The following HTR3E variants were observed in gnomAD, a reference collection of about 807,000 sequenced individuals.
HTR3E encodes 5-hydroxytryptamine receptor 3E.
HTR3E carries 38 observed loss-of-function variants against 38.0 expected under a neutral mutation model. That is an observed-to-expected ratio of 1.00 (90% confidence interval 0.77 to 1.31). The LOEUF is 1.31. Among genes scored for constraint, HTR3E ranks in the 50% most tolerant of loss-of-function variants. HTR3E has a pLI of 0.00. For missense variants in HTR3E, 547 were observed against 585.2 expected, an observed-to-expected ratio of 0.93 and a Z score of 0.67; for synonymous variants, 210 against 232.9, an observed-to-expected ratio of 0.90 and a Z score of 0.89.
intron 3 of HTR3E, among the ~76,000 whole-genome samples, chr3:184,103,788 CTCCA>C (rs1347354489): frequency 6.7e-6 from 1 of 149,552 alleles, no homozygotes; most frequent in African/African-American, 2.5e-5. Flanking sequence ...CAGAGCAAGA[CTCCA>C]TCTCAGAAAA....
At chr3:184,105,189 A>G (rs1712347011) in intron 5 of HTR3E, 78 bp from the exon 6 acceptor site, 5 of 1,458,462 alleles carry the variant, frequency 3.4e-6, no homozygotes, top group Non-Finnish European at 4.6e-6. Flanking sequence ...TGTTGAAAGA[A>G]AGGATGGAAA....
rs747926444 is a variant in HTR3E at position 184,104,278 on chromosome 3, T to A, written c.376T>A (p.Phe126Ile). Residue 126 changes from phenylalanine (F) to isoleucine (I), a missense_variant, in exon 4 of 9, where the codon TTC (phenylalanine) becomes ATC (isoleucine). Coordinates refer to ENST00000415389, the MANE Select transcript of HTR3E (RefSeq NM_001256613.2). ...CAAGAACCTGTGGCTCCCAGACATT[T>A]TCATCATTGAACTGTGCGTATCAAG... ...AAKNLWLPDI[F>I]IIELMDVDKT... is the part of the protein sequence containing the mutation. 6.2e-7 allele frequency: 1 copy of A among 1,611,942 alleles called. No homozygotes were observed. The highest frequency in any genetic ancestry group is 1.1e-5 in the South Asian group (1 of 90,640).
intron 2 of HTR3E, among the ~76,000 whole-genome samples, 153 bp from the exon 3 acceptor site, chr3:184,101,332 G>A (rs116365660): frequency 5.3e-5 from 8 of 152,260 alleles, no homozygotes; most frequent in East Asian, 1.9e-4. Context: ...TCTCCTGTCC[G>A]TAGCCTAACA....
intron 3 of HTR3E, 30 bp from the exon 4 acceptor site, chr3:184,104,152 A>G: frequency 6.6e-7 from 1 of 1,521,470 alleles, no homozygotes; most frequent in Non-Finnish European, 8.8e-7. Flanking sequence ...AAAAGGCAGG[A>G]GACTCACCTC....
intron 3 of HTR3E, 61 bp from the exon 4 acceptor site, chr3:184,104,121 T>C (rs889760757): frequency 1.7e-6 from 2 of 1,206,812 alleles, no homozygotes. Context: ...TTTCATAACT[T>C]TTTTTTTTAA....
At chr3:184,100,206 G>A (rs1560093321) in intron 1 of HTR3E, 2 of 1,408,632 alleles carry the variant, frequency 1.4e-6, no homozygotes, top group African/African-American at 2.9e-5. Flanking sequence ...GCCTTTTATT[G>A]GCTGTCTGAC....
Position 184,104,215 on chromosome 3 carries a change from G to C in HTR3E, c.313G>C (p.Glu105Gln), listed in dbSNP as rs180798412. 116 of 1,612,894 alleles carry C rather than the reference G, an allele frequency of 7.2e-5. No homozygotes were observed. In the Admixed American group the frequency reaches 1.9e-3, roughly 27 times the overall value. Residue 105 changes from glutamate to glutamine, a missense_variant, in exon 4 of 9, where the codon GAG becomes CAG. Glu to Gln is a conservative substitution (Grantham distance 29, BLOSUM62 2). Coordinates refer to ENST00000415389, the MANE Select transcript of HTR3E (RefSeq NM_001256613.2). ...TAACCCATTTATCAGCTGGAACCCA[G>C]AGGAATGTGAGGGCATCACGAAGAT... ...WDNPFISWNP[E>Q]ECEGITKMSM...
chr3:184,098,300 C>T (rs1711771841), intron 1 of HTR3E, among the ~76,000 whole-genome samples: 1 of 152,158 alleles, frequency 6.6e-6, no homozygotes, highest in South Asian at 2.1e-4. Flanking sequence ...CTGGTTTCCT[C>T]ATCTGTAAAA....
chr3:184,105,733 T>A lies in HTR3E; in HGVS notation c.721-32T>A, dbSNP rs149556634. 1.2e-3 allele frequency: 1,920 copies of A among 1,552,206 alleles called. 19 individuals carry two copies. The African/African-American group carries it at 0.018, about 14-fold the overall frequency. ...GGATTTGAGGGTTCCTCTGACCCCA[T>A]AACTACTTACCACCCTCTCCTACCC... is the stretch of plus-strand genomic sequence containing the variant. On this transcript the variant is annotated intron_variant, in intron 6 of 8. Coordinates refer to ENST00000415389, the MANE Select transcript of HTR3E (RefSeq NM_001256613.2).
At chr3:184,104,059 T>C (rs901239978) in intron 3 of HTR3E, 123 bp from the exon 4 acceptor site, 5 of 596,988 alleles carry the variant, frequency 8.4e-6, no homozygotes, top group Non-Finnish European at 1.3e-5. Context: ...GGGTTGTAAA[T>C]ACATAGATGT....
Position 184,097,597 on chromosome 3 carries a change from G to A in HTR3E, c.67+1G>A, listed in dbSNP as rs1223438181. On this transcript the variant is annotated splice_donor_variant, in intron 1 of 8. Coordinates refer to ENST00000415389, the MANE Select transcript of HTR3E (RefSeq NM_001256613.2). LOFTEE classifies it high-confidence loss of function. ...CTCCTTCTCGGTTTTCTGCTTCAAG[G>A]TAAGAAAGGAGCAATGATGGGGGAA... 1 of 1,534,844 alleles carries A rather than the reference G, an allele frequency of 6.5e-7. No homozygotes were observed. The highest frequency in any genetic ancestry group is 2.4e-5 in the East Asian group (1 of 40,892).
chr3:184,097,737 TG>T, intron 1 of HTR3E, 141 bp downstream of exon 1: 1 of 631,108 alleles, frequency 1.6e-6, no homozygotes, highest in Non-Finnish European at 2.7e-6. Context: ...ATTACTAAGA[TG>T]CCCACATAGA....
chr3:184,102,833 A>G (rs998918309), intron 3 of HTR3E, among the ~76,000 whole-genome samples: 8 of 151,800 alleles, frequency 5.3e-5, no homozygotes, highest in Admixed American at 3.9e-4. Flanking sequence ...GCTGAGGCAC[A>G]AGAATCGCTT....
chr3:184,104,186 G>A lies in HTR3E; in HGVS notation c.284G>A (p.Trp95Ter). ...LSSFLWLEMV[W>*]DNPFISWNPE... is the part of the protein sequence containing the mutation. Reference sequence around the variant, plus strand: ...TCTCCTCCACCTGGGCTCTAGGTTTGGGATAACCCATTTATCAGCTGGAAC... The same window carrying A: ...TCTCCTCCACCTGGGCTCTAGGTTTAGGATAACCCATTTATCAGCTGGAAC... The change falls in exon 4 of 9, where the codon TGG (tryptophan) becomes TAG (stop). Residue 95 changes from tryptophan (W) to a stop codon, truncating the protein, a stop_gained. Transcript: ENST00000415389. LOFTEE classifies it high-confidence loss of function. The A allele has an allele frequency of 6.2e-7, 1 of 1,608,054 alleles. No homozygotes were observed. The highest frequency in any genetic ancestry group is 8.5e-7 in the Non-Finnish European group (1 of 1,177,328).
intron 1 of HTR3E, among the ~76,000 whole-genome samples, chr3:184,099,720 C>CAAAAAAAAAAAA (rs1192532487): frequency 2.2e-5 from 1 of 44,698 alleles, no homozygotes; most frequent in African/African-American, 1.3e-4. Context: ...GACTCCGTCT[C>CAAAAAAAAAAAA]AAAAAAAAAA....
intron 3 of HTR3E, among the ~76,000 whole-genome samples, chr3:184,102,189 A>C (rs1712089871): frequency 6.6e-6 from 1 of 151,994 alleles, no homozygotes; most frequent in Non-Finnish European, 1.5e-5. Flanking sequence ...AACGCCAGGC[A>C]GAGTGGCGCA....
intron 1 of HTR3E, among the ~76,000 whole-genome samples, chr3:184,099,892 G>A (rs1711911799): frequency 1.3e-5 from 2 of 152,118 alleles, no homozygotes; most frequent in Admixed American, 1.3e-4. Context: ...GTTCTCTCCG[G>A]GGCCCCGGGA....
chr3:184,105,449 CT>C lies in HTR3E; in HGVS notation c.720+25del, dbSNP rs750253868. ...CTATGTGAGCTTGGAGGCTCTTACT[CT>C]TTCCTTCCTCCCGCACTTTTACCCT... On this transcript the variant is annotated intron_variant, in intron 6 of 8. Coordinates refer to ENST00000415389, the MANE Select transcript of HTR3E (RefSeq NM_001256613.2). The C allele has an allele frequency of 4.2e-5, 67 of 1,580,006 alleles. No homozygotes were observed. In the African/African-American group the frequency reaches 9.0e-4, roughly 21 times the overall value.
rs776367797 is a variant in HTR3E at position 184,105,269 on chromosome 3, G to T, written c.562G>T (p.Asp188Tyr). Reference protein sequence around the residue: ...LTFSSFLYTVDSMLLDMEKEV... With the variant: ...LTFSSFLYTVYSMLLDMEKEV... ...ATTCAGATGGTTCTCATTTTCAGTG[G>T]ACAGCATGTTGCTGGACATGGAGAA... Residue 188 changes from aspartate to tyrosine, a missense_variant and splice_region_variant, in exon 6 of 9, where the codon GAC (aspartate) becomes TAC (tyrosine). Coordinates refer to ENST00000415389, the MANE Select transcript of HTR3E (RefSeq NM_001256613.2). 9.3e-6 allele frequency: 15 copies of T among 1,609,544 alleles called. No homozygotes were observed. Among genetic ancestry groups the T allele is most frequent in the Non-Finnish European group, 1.3e-5 (15 of 1,178,428 alleles).
Sources: allele counts gnomAD v4.1 joint callset (sites outside exome capture counted in the v4.1 genomes callset), GRCh38; gene constraint gnomAD v4.1.1; transcripts MANE v1.5; gene names NCBI Gene and HGNC (gene_info 2026-07-23, HGNC 2026-07-21).